Variants in ARHGEF26 observed in about 807,000 individuals in gnomAD.
ARHGEF26 encodes Rho guanine nucleotide exchange factor 26.
A neutral mutation model predicts 89.4 loss-of-function variants in ARHGEF26; 59 were observed. That is an observed-to-expected ratio of 0.66 (90% CI 0.54 to 0.82). The LOEUF (loss-of-function observed/expected upper bound fraction) is 0.82, where lower values mean the gene tolerates loss of function less well. ARHGEF26 is among the 40% of genes least tolerant of loss of function. ARHGEF26 has a pLI of 0.00. For synonymous variants in ARHGEF26, 500 were observed against 428.4 expected, an observed-to-expected ratio of 1.17 and a Z score of -2.06; for missense variants, 1,234 against 1,085.6, an observed-to-expected ratio of 1.14 and a Z score of -1.92.
intron 12 of ARHGEF26, 90 bp downstream of exon 12, chr3:154,240,669 C>G (rs1324527030): frequency 2.5e-6 from 3 of 1,200,228 alleles, no homozygotes; most frequent in African/African-American, 3.1e-5. Context: ...AAAACAGCAG[C>G]TACTATTCAT....
At chr3:154,228,136 A>AT (rs5853687) in intron 11 of ARHGEF26, among the ~76,000 whole-genome samples, 73,216 of 143,556 alleles carry the variant, frequency 0.51, 18,687 homozygotes, top group Non-Finnish European at 0.54. Flanking sequence ...GTCTTTGAGA[A>AT]TTTTTTTTTT....
At chr3:154,246,654 G>T (rs867350873) in intron 12 of ARHGEF26, among the ~76,000 whole-genome samples, 1 of 152,156 alleles carries the variant, frequency 6.6e-6, no homozygotes, top group African/African-American at 2.4e-5. Flanking sequence ...GGGGCCCTGG[G>T]GACAGAAGTT....
chr3:154,175,434 A>T (rs957632447), intron 6 of ARHGEF26, among the ~76,000 whole-genome samples: 4 of 99,758 alleles, frequency 4.0e-5, no homozygotes, highest in African/African-American at 1.3e-4. Flanking sequence ...AGCTAGTGTT[A>T]AAAAAAAAAG....
At chr3:154,220,588 T>G (rs1268477504) in intron 10 of ARHGEF26, among the ~76,000 whole-genome samples, 3 of 151,784 alleles carry the variant, frequency 2.0e-5, no homozygotes, top group African/African-American at 7.3e-5. Context: ...AGACTTGGGG[T>G]GCAAGAGGAG....
chr3:154,189,334 ATT>A (rs35633646), intron 7 of ARHGEF26, among the ~76,000 whole-genome samples: 19 of 112,272 alleles, frequency 1.7e-4, no homozygotes, highest in South Asian at 6.2e-4. Context: ...AGTTGATGTG[ATT>A]TTTTTTTTTT....
At chr3:154,235,698 A>T (rs577592553) in intron 11 of ARHGEF26, among the ~76,000 whole-genome samples, 4 of 152,294 alleles carry the variant, frequency 2.6e-5, no homozygotes, top group Middle Eastern at 3.4e-3. Flanking sequence ...GAACATACCT[A>T]TCATCCATAC....
chr3:154,252,998 T>C (rs1353171038), intron 12 of ARHGEF26, 118 bp from the exon 13 acceptor site: 4 of 1,098,024 alleles, frequency 3.6e-6, no homozygotes, highest in Non-Finnish European at 5.4e-6. Flanking sequence ...TGTTTTACCA[T>C]ACCTCTCTAG....
intron 6 of ARHGEF26, among the ~76,000 whole-genome samples, chr3:154,175,891 A>G (rs1712788737): frequency 6.6e-6 from 1 of 152,238 alleles, no homozygotes; most frequent in Non-Finnish European, 1.5e-5. Flanking sequence ...CCCACTTGGG[A>G]ACTGTAAAGC....
chr3:154,165,653 G>A (rs984238317), intron 6 of ARHGEF26, among the ~76,000 whole-genome samples: 4 of 152,130 alleles, frequency 2.6e-5, no homozygotes, highest in Non-Finnish European at 5.9e-5. Context: ...CCTGAGACCT[G>A]CATAAGGAAT....
chr3:154,257,256 C>T lies in ARHGEF26; in HGVS notation c.*1783C>T, dbSNP rs187413448. The T allele has an allele frequency of 4.5e-4, 98 of 217,922 alleles. No homozygotes were observed. The highest frequency in any genetic ancestry group is 2.1e-3 in the African/African-American group (92 of 44,114). The allele number at this position is 217,922 out of a possible 1,614,324, so 13.5% of individuals were successfully genotyped here. ...TAAAATATATTTCAGACCGTGAGTACCTTGAGATCTGAGCAACTGTGTTAA... is the reference window on the plus strand; with the variant it reads ...TAAAATATATTTCAGACCGTGAGTATCTTGAGATCTGAGCAACTGTGTTAA... On this transcript the variant is annotated 3_prime_UTR_variant, in exon 15 of 15. Coordinates refer to ENST00000465093, the MANE Select transcript of ARHGEF26 (RefSeq NM_015595.4).
intron 6 of ARHGEF26, among the ~76,000 whole-genome samples, chr3:154,154,426 T>G (rs1313994600): frequency 1.3e-5 from 2 of 151,980 alleles, no homozygotes; most frequent in African/African-American, 2.4e-5. Flanking sequence ...CTAGATATAT[T>G]AAAAGCCCAT....
At chr3:154,212,385 A>G (rs1240997916) in intron 9 of ARHGEF26, among the ~76,000 whole-genome samples, 2 of 151,946 alleles carry the variant, frequency 1.3e-5, no homozygotes, top group Admixed American at 1.3e-4. Flanking sequence ...ATAAGTGTAC[A>G]TTGCAGAATA....
Position 154,122,789 on chromosome 3 carries a change from A to G in ARHGEF26, c.797A>G (p.Asn266Ser), listed in dbSNP as rs567745572. Residue 266 changes from asparagine (N) to serine (S), a missense_variant, in exon 2 of 15, where the codon AAT becomes AGT. Transcript: ENST00000465093. Reference protein sequence around the residue: ...ASEIKISKSNNQNVEPHKRLL... With the variant: ...ASEIKISKSNSQNVEPHKRLL... Reference sequence around the variant, plus strand: ...GAAATTAAAATAAGTAAATCCAACAATCAAAATGTGGAGCCCCACAAGAGA... The same window carrying G: ...GAAATTAAAATAAGTAAATCCAACAGTCAAAATGTGGAGCCCCACAAGAGA... 7.4e-5 allele frequency: 119 copies of G among 1,611,202 alleles called. No individual in the cohort carries two copies. The highest frequency in any genetic ancestry group is 6.0e-4 in the South Asian group (54 of 90,486).
intron 8 of ARHGEF26, among the ~76,000 whole-genome samples, chr3:154,194,281 T>C (rs939960925): frequency 7.9e-5 from 12 of 152,240 alleles, no homozygotes; most frequent in Non-Finnish European, 1.8e-4. Flanking sequence ...TTAACACTTC[T>C]AACAACCTTG....
chr3:154,245,163 G>A (rs1274690241), intron 12 of ARHGEF26, among the ~76,000 whole-genome samples: 2 of 152,182 alleles, frequency 1.3e-5, no homozygotes, highest in African/African-American at 2.4e-5. Flanking sequence ...AAAGAGCTGG[G>A]ATTACAGGTG....
chr3:154,156,849 G>A (rs946822070), intron 6 of ARHGEF26, among the ~76,000 whole-genome samples: 1 of 152,320 alleles, frequency 6.6e-6, no homozygotes, highest in Middle Eastern at 3.4e-3. Flanking sequence ...ATATTACAGA[G>A]TAAGCATGGT....
At chr3:154,125,201 A>T (rs1345749424) in intron 3 of ARHGEF26, among the ~76,000 whole-genome samples, 1 of 152,172 alleles carries the variant, frequency 6.6e-6, no homozygotes, top group Non-Finnish European at 1.5e-5. Flanking sequence ...AATAATAAAG[A>T]AGGGAGTGCC....
intron 7 of ARHGEF26, among the ~76,000 whole-genome samples, chr3:154,188,785 G>A (rs1183363259): frequency 6.6e-6 from 1 of 152,152 alleles, no homozygotes; most frequent in Non-Finnish European, 1.5e-5. Flanking sequence ...TGATGAGAAG[G>A]GCTGATGATG....
In ARHGEF26 at chr3:154,257,223, T is replaced by G. The variant is rs972024432; in HGVS notation, c.*1750T>G. 1 of 304,576 alleles carries G rather than the reference T, an allele frequency of 3.3e-6. No homozygotes were observed. Among genetic ancestry groups the G allele is most frequent in the African/African-American group, 2.2e-5 (1 of 46,422 alleles). The allele number at this position is 304,576 out of a possible 1,614,324, so 18.9% of individuals were successfully genotyped here. ...TGCTCTTTTTGACCTGTGCATACCT[T>G]CTAATTGTAAAATATATTTCAGACC... On this transcript the variant is annotated 3_prime_UTR_variant, in exon 15 of 15. Transcript: ENST00000465093.
Sources: allele counts gnomAD v4.1 joint callset (sites outside exome capture counted in the v4.1 genomes callset), GRCh38; gene constraint gnomAD v4.1.1; transcripts MANE v1.5; gene names NCBI Gene and HGNC (gene_info 2026-07-23, HGNC 2026-07-21).